FTO: variants seen among roughly 807,000 people sequenced by gnomAD.
The protein encoded by FTO is alpha-ketoglutarate-dependent dioxygenase FTO.
In FTO, 47 loss-of-function variants were observed where a neutral mutation model predicts 63.9. The observed-to-expected ratio is 0.74, with a 90% CI of 0.58 to 0.94. The LOEUF (loss-of-function observed/expected upper bound fraction) is 0.94, where lower values mean the gene tolerates loss of function less well. Among genes scored for constraint, FTO ranks in the 40% least tolerant of loss-of-function variants. The pLI is 0.00. For missense variants in FTO, 562 were observed against 618.1 expected (o/e 0.91, Z 0.96); for synonymous variants, 207 against 224.4 (o/e 0.92, Z 0.69).
intron 8 of FTO, among the ~76,000 whole-genome samples, chr16:53,945,234 T>C (rs1397709242): frequency 6.6e-6 from 1 of 152,238 alleles, no homozygotes; most frequent in East Asian, 1.9e-4. Flanking sequence ...TTCACTCCTC[T>C]ACTTCCACTT....
intron 1 of FTO, among the ~76,000 whole-genome samples, chr16:53,715,341 CA>C (rs1225576023): frequency 1.3e-5 from 2 of 152,182 alleles, no homozygotes; most frequent in African/African-American, 4.8e-5. Flanking sequence ...TCTTGTTTTA[CA>C]TTCAGTCTGC....
At chr16:53,947,737 G>C (rs76985522) in intron 8 of FTO, among the ~76,000 whole-genome samples, 1 of 152,050 alleles carries the variant, frequency 6.6e-6, no homozygotes, top group Non-Finnish European at 1.5e-5. Flanking sequence ...TTCAGCCCTC[G>C]GGGCTTTAGC....
At chr16:53,960,870 C>G (rs760887660) in intron 8 of FTO, among the ~76,000 whole-genome samples, 1 of 151,598 alleles carries the variant, frequency 6.6e-6, no homozygotes, top group Non-Finnish European at 1.5e-5. Flanking sequence ...TTTCTCTGTC[C>G]GAAAAAAAAT....
intron 6 of FTO, among the ~76,000 whole-genome samples, chr16:53,883,622 C>CAAAAAAAAAAAA (rs36010057): frequency 6.7e-5 from 4 of 59,326 alleles, no homozygotes; most frequent in African/African-American, 3.4e-4. Context: ...AACTCTATCT[C>CAAAAAAAAAAAA]AAAAAAAAAA....
intron 8 of FTO, among the ~76,000 whole-genome samples, chr16:53,940,882 G>A (rs1041235693): frequency 8.8e-6 from 1 of 113,156 alleles, no homozygotes; most frequent in Non-Finnish European, 2.3e-5. Context: ...TATTCTCTGT[G>A]ACCCCAGCCA....
At chr16:53,768,929 T>G (rs761221712) in intron 1 of FTO, among the ~76,000 whole-genome samples, 2 of 152,204 alleles carry the variant, frequency 1.3e-5, no homozygotes, top group Admixed American at 6.5e-5. Context: ...TCAGCTAATT[T>G]AACCCACAAT....
At chr16:53,871,615 G>C (rs886225803) in intron 4 of FTO, among the ~76,000 whole-genome samples, 5 of 152,024 alleles carry the variant, frequency 3.3e-5, no homozygotes, top group Non-Finnish European at 7.4e-5. Flanking sequence ...TTTTTGAATG[G>C]ATGTTGGGTA....
chr16:53,824,246 G>A (rs1423309186), intron 2 of FTO, among the ~76,000 whole-genome samples: 2 of 152,190 alleles, frequency 1.3e-5, no homozygotes, highest in Non-Finnish European at 2.9e-5. Context: ...CTGCCTCCTC[G>A]TAGCATGCCA....
At chr16:53,984,907 G>A (rs1322518398) in intron 8 of FTO, 1 of 456,360 alleles carries the variant, frequency 2.2e-6, no homozygotes, top group Admixed American at 2.4e-5. Flanking sequence ...AGGACACGGA[G>A]TAAAATGATG....
intron 4 of FTO, 146 bp downstream of exon 4, chr16:53,844,444 G>C: frequency 1.4e-6 from 1 of 701,796 alleles, no homozygotes; most frequent in Non-Finnish European, 2.4e-6. Context: ...CATGTAACTA[G>C]GTTTTTCTTT....
chr16:53,914,415 CT>C (rs1311282750), intron 7 of FTO, among the ~76,000 whole-genome samples: 3 of 151,764 alleles, frequency 2.0e-5, no homozygotes, highest in Admixed American at 1.3e-4. Context: ...TCAGTAACGT[CT>C]TTTTTTGGAA....
rs537519719 is a variant in FTO, at chr16:53,733,197, C to T, written c.45+28968C>T. Among the ~76,000 whole-genome samples, 15 of 152,246 alleles carry T rather than the reference C, an allele frequency of 9.9e-5. No individual in the cohort carries two copies. In the South Asian group the frequency reaches 1.7e-3, roughly 17 times the overall value. On this transcript the variant is annotated intron_variant, in intron 1 of 8. Transcript: ENST00000471389. ...GGAGGATCACCTGAGGTCAGGAGTTCGAGACTAGCCTGCCAAACATGGCGA... is the reference window on the plus strand; with the variant it reads ...GGAGGATCACCTGAGGTCAGGAGTTTGAGACTAGCCTGCCAAACATGGCGA...
chr16:54,076,769 T>A (rs2086003652), intron 8 of FTO, among the ~76,000 whole-genome samples: 1 of 152,166 alleles, frequency 6.6e-6, no homozygotes, highest in Non-Finnish European at 1.5e-5. Flanking sequence ...ATCATTTCAT[T>A]TGAAAAGGCA....
chr16:53,969,917 C>T (rs2083278614), intron 8 of FTO, among the ~76,000 whole-genome samples: 1 of 152,176 alleles, frequency 6.6e-6, no homozygotes, highest in Non-Finnish European at 1.5e-5. Context: ...GTGTGCTCGC[C>T]TCTGTAGTTG....
chr16:54,010,925 G>A (rs569292413), intron 8 of FTO, among the ~76,000 whole-genome samples: 1 of 152,252 alleles, frequency 6.6e-6, no homozygotes, highest in South Asian at 2.1e-4. Context: ...CACTTCCTCT[G>A]GTATGTGCAT....
intron 8 of FTO, among the ~76,000 whole-genome samples, chr16:54,032,468 G>T (rs1414681667): frequency 2.0e-5 from 3 of 152,096 alleles, no homozygotes; most frequent in Admixed American, 6.5e-5. Context: ...TTCTGGCTGT[G>T]AAAATTATGA....
chr16:53,910,753 G>A (rs567673623), intron 7 of FTO, among the ~76,000 whole-genome samples: 8 of 152,222 alleles, frequency 5.3e-5, no homozygotes, highest in Admixed American at 2.6e-4. Flanking sequence ...CCAGGCTAGT[G>A]TCAAACTCCT....
chr16:53,865,218 C>A (rs1432875429), intron 4 of FTO, among the ~76,000 whole-genome samples: 1 of 152,036 alleles, frequency 6.6e-6, no homozygotes, highest in African/African-American at 2.4e-5. Context: ...CCTGGGAAGC[C>A]CCCTTCAAAC....
chr16:53,826,504 C>G lies in FTO; in HGVS notation c.751+13C>G. 2 of 1,613,596 alleles carry G rather than the reference C, an allele frequency of 1.2e-6. No homozygotes were observed. The highest frequency in any genetic ancestry group is 1.7e-6 in the Non-Finnish European group (2 of 1,179,718). ...TATAGCTGTGAAGGTACAGTCTGCT[C>G]TTGGAAAAAGCAGCCCTGTATGTAA... is the stretch of plus-strand genomic sequence containing the variant. On this transcript the variant is annotated intron_variant, in intron 3 of 8. Coordinates refer to ENST00000471389, the MANE Select transcript of FTO (RefSeq NM_001080432.3).
Sources: allele counts gnomAD v4.1 joint callset (sites outside exome capture counted in the v4.1 genomes callset), GRCh38; gene constraint gnomAD v4.1.1; transcripts MANE v1.5; gene names NCBI Gene and HGNC (gene_info 2026-07-23, HGNC 2026-07-21).